RNF150: variants seen among roughly 807,000 people sequenced by gnomAD.
RNF150 encodes the protein ring finger protein 150.
In RNF150, 24 loss-of-function variants were observed where a neutral mutation model predicts 39.3. That is an observed-to-expected ratio of 0.61 (90% CI 0.44 to 0.86). The LOEUF (loss-of-function observed/expected upper bound fraction) is 0.86. Among genes scored for constraint, RNF150 ranks in the 40% least tolerant of loss-of-function variants. The probability of loss-of-function intolerance (pLI) is 0.00; values close to 1 mark genes in which losing one functional copy is unlikely to be tolerated. For missense variants in RNF150, 502 were observed against 587.8 expected (o/e 0.85, Z 1.51); for synonymous variants, 255 against 227.3 (o/e 1.12, Z -1.10).
intron 1 of RNF150, among the ~76,000 whole-genome samples, chr4:141,172,619 G>T (rs1371092422): frequency 1.3e-5 from 2 of 152,176 alleles, no homozygotes; most frequent in Non-Finnish European, 2.9e-5. Flanking sequence ...GTGTGCCCAT[G>T]ATACCAAGTC....
chr4:141,161,681 T>C (rs1727515095), intron 1 of RNF150, among the ~76,000 whole-genome samples: 1 of 152,194 alleles, frequency 6.6e-6, no homozygotes, highest in South Asian at 2.1e-4. Context: ...AGGGCCCCAG[T>C]GTCCTGCACA....
At chr4:141,051,786 C>T (rs1736785134) in intron 1 of RNF150, among the ~76,000 whole-genome samples, 1 of 152,202 alleles carries the variant, frequency 6.6e-6, no homozygotes. Context: ...GCCCTCCAAA[C>T]TGCTCCAATC....
intron 1 of RNF150, among the ~76,000 whole-genome samples, chr4:141,001,027 T>A (rs1173827331): frequency 6.6e-6 from 1 of 152,206 alleles, no homozygotes; most frequent in African/African-American, 2.4e-5. Flanking sequence ...CAGCGTAATT[T>A]TACTTATAAT....
intron 1 of RNF150, among the ~76,000 whole-genome samples, chr4:141,204,785 G>A (rs1728346101): frequency 1.3e-5 from 2 of 152,170 alleles, no homozygotes; most frequent in Admixed American, 6.5e-5. Flanking sequence ...CACTTGCTGA[G>A]TTGGTTCTCA....
chr4:140,970,192 C>G (rs1733409029), intron 1 of RNF150, among the ~76,000 whole-genome samples: 1 of 152,164 alleles, frequency 6.6e-6, no homozygotes, highest in Admixed American at 6.6e-5. Flanking sequence ...AATAGCTTCT[C>G]AAAACCTTAC....
At position 140,872,248 on chromosome 4, in the gene RNF150, C is replaced by T. The variant is rs143734937; in HGVS notation, c.1199-3869G>A. Among the ~76,000 whole-genome samples, 25 of 152,270 alleles carry T rather than the reference C, an allele frequency of 1.6e-4. No individual in the cohort carries two copies. The East Asian group carries it at 2.5e-3, about 15-fold the overall frequency. ...AAGTAGCTATTAACAACATAAATGT[C>T]GACTGAATTTGCCTCCTTCTCTGCA... is the stretch of plus-strand genomic sequence containing the variant. On this transcript the variant is annotated intron_variant, in intron 6 of 6. Coordinates refer to ENST00000515673, the MANE Select transcript of RNF150 (RefSeq NM_020724.2).
chr4:141,086,778 T>C (rs148626805), intron 1 of RNF150, among the ~76,000 whole-genome samples: 75 of 151,356 alleles, frequency 5.0e-4, no homozygotes, highest in Non-Finnish European at 5.2e-4. Flanking sequence ...AGAAATAAAC[T>C]ACCATATTTA....
chr4:141,157,528 G>C (rs1560762842), intron 1 of RNF150, among the ~76,000 whole-genome samples: 1 of 152,194 alleles, frequency 6.6e-6, no homozygotes, highest in Non-Finnish European at 1.5e-5. Context: ...GAATTAGCCA[G>C]ACTAGGGAAA....
chr4:140,901,882 A>G (rs1452959412), intron 6 of RNF150, among the ~76,000 whole-genome samples: 1 of 152,192 alleles, frequency 6.6e-6, no homozygotes, highest in Non-Finnish European at 1.5e-5. Flanking sequence ...TGGAGGGAGA[A>G]GCATGGGAGG....
At chr4:141,021,423 C>T (rs1325679428) in intron 1 of RNF150, among the ~76,000 whole-genome samples, 2 of 152,196 alleles carry the variant, frequency 1.3e-5, no homozygotes, top group African/African-American at 4.8e-5. Flanking sequence ...GCTTTGTTCT[C>T]CAGCAAAGTG....
intron 1 of RNF150, among the ~76,000 whole-genome samples, chr4:140,970,942 T>A (rs191018021): frequency 5.3e-5 from 8 of 152,232 alleles, no homozygotes; most frequent in Admixed American, 2.6e-4. Context: ...CTATTGTGCA[T>A]GGTGAAAAGT....
chr4:141,079,542 A>G (rs1335392368), intron 1 of RNF150, among the ~76,000 whole-genome samples: 1 of 152,190 alleles, frequency 6.6e-6, no homozygotes, highest in Admixed American at 6.5e-5. Flanking sequence ...AATAATATGT[A>G]AGGTGCTTAC....
intron 1 of RNF150, among the ~76,000 whole-genome samples, chr4:141,176,244 A>G (rs550494498): frequency 1.3e-5 from 2 of 152,152 alleles, no homozygotes; most frequent in South Asian, 2.1e-4. Flanking sequence ...GAGGGGTCCA[A>G]CCTTATGGTA....
At chr4:141,092,343 C>CAAA (rs34129355) in intron 1 of RNF150, among the ~76,000 whole-genome samples, 1 of 136,714 alleles carries the variant, frequency 7.3e-6, no homozygotes. Flanking sequence ...ACTCCCTGTA[C>CAAA]AAAAAAAAAA....
At chr4:141,024,959 A>G (rs1319151238) in intron 1 of RNF150, among the ~76,000 whole-genome samples, 4 of 152,214 alleles carry the variant, frequency 2.6e-5, no homozygotes, top group African/African-American at 9.6e-5. Context: ...TCTCAATGCA[A>G]AAGTCAAAAG....
At chr4:141,130,527 G>T (rs1276027348) in intron 1 of RNF150, among the ~76,000 whole-genome samples, 1 of 151,958 alleles carries the variant, frequency 6.6e-6, no homozygotes, top group Non-Finnish European at 1.5e-5. Flanking sequence ...TTAAAAATAA[G>T]CAAGCCATTA....
intron 1 of RNF150, among the ~76,000 whole-genome samples, chr4:141,078,942 C>CAT (rs897983844): frequency 2.7e-5 from 4 of 148,064 alleles, no homozygotes; most frequent in African/African-American, 5.2e-5. Flanking sequence ...TATACACACA[C>CAT]ATATATATAC....
intron 1 of RNF150, among the ~76,000 whole-genome samples, chr4:141,062,369 G>A (rs1361568461): frequency 6.6e-6 from 1 of 151,910 alleles, no homozygotes; most frequent in Non-Finnish European, 1.5e-5. Flanking sequence ...ATATATGTAT[G>A]TGTATATATA....
At chr4:140,964,323 G>A (rs1000316367) in intron 2 of RNF150, among the ~76,000 whole-genome samples, 2 of 151,992 alleles carry the variant, frequency 1.3e-5, no homozygotes, top group Non-Finnish European at 2.9e-5. Context: ...TCTGTAAAAC[G>A]GGGACAATAA....
Sources: gnomAD v4.1 joint callset for allele counts (sites outside exome capture counted in the v4.1 genomes callset) on GRCh38, gnomAD v4.1.1 for gene constraint, MANE v1.5 for transcripts, NCBI Gene and HGNC (gene_info 2026-07-23, HGNC 2026-07-21) for gene names.